The following NLE1 variants were observed in gnomAD, a reference collection of about 807,000 sequenced individuals.
The protein encoded by NLE1 is notchless homolog 1.
A neutral mutation model predicts 62.8 loss-of-function variants in NLE1; 37 were observed. The ratio of observed to expected loss-of-function variants is 0.59; its 90% CI spans 0.45 to 0.78. The LOEUF (loss-of-function observed/expected upper bound fraction) is 0.78, where lower values mean the gene tolerates loss of function less well. Ranked by LOEUF, NLE1 falls within the 30% of genes least tolerant of loss-of-function variation. NLE1 has a pLI of 0.00. For missense variants in NLE1, 555 were observed against 637.9 expected (o/e 0.87, Z 1.40); for synonymous variants, 243 against 253.0 (o/e 0.96, Z 0.37).
Position 35,130,676 on chromosome 17 carries a change from C to T in NLE1, c.*1761G>A. The T allele has an allele frequency of 1.9e-6, 1 of 520,334 alleles. No homozygotes were observed. The highest frequency in any genetic ancestry group is 2.5e-5 in the South Asian group (1 of 40,316). 32.2% of individuals were successfully genotyped at this position (520,334 alleles called of 1,614,324 possible). ...GCCCACAGCTGCTAGACTCCCTCCT[C>T]CTCCAAATCTGGGCTGGGTCTAGGT... On this transcript the variant is annotated 3_prime_UTR_variant, in exon 13 of 13. Transcript: ENST00000442241.
At chr17:35,133,040 C>T (rs1597887893) in intron 12 of NLE1, 131 bp downstream of exon 12, 2 of 879,012 alleles carry the variant, frequency 2.3e-6, no homozygotes, top group Non-Finnish European at 3.7e-6. Context: ...TCTGGCTCCA[C>T]ACGCCTCCTC....
chr17:35,137,536 C>T lies in NLE1; in HGVS notation c.635+7G>A, dbSNP rs1567746282. 6.2e-7 allele frequency: 1 copy of T among 1,605,014 alleles called. No homozygotes were observed. On this transcript the variant is annotated splice_region_variant and intron_variant, in intron 6 of 12. Coordinates refer to ENST00000442241, the MANE Select transcript of NLE1 (RefSeq NM_018096.5). ...TCATTTGTCCCAGCTCCGTCAGTGT[C>T]ACTTACGCATGGAGGGGCTCCCAGC... is the stretch of plus-strand genomic sequence containing the variant.
Position 35,130,286 on chromosome 17 carries a change from CAA to C in NLE1, c.*2149_*2150del. The C allele has an allele frequency of 6.2e-7, 1 of 1,613,408 alleles. No individual in the cohort carries two copies. On this transcript the variant is annotated 3_prime_UTR_variant, in exon 13 of 13. Transcript: ENST00000442241. ...GGTTTTCTTGTTTCACTTCAGTTTG[CAA>C]CCCTGGCCACTGACTTCAGCAGCTT...
chr17:35,135,529 T>C, intron 9 of NLE1, 78 bp from the exon 10 acceptor site: 5 of 1,270,886 alleles, frequency 3.9e-6, no homozygotes, highest in Non-Finnish European at 5.6e-6. Flanking sequence ...GCAGCAAGCA[T>C]ACACCCTGAT....
chr17:35,130,191 C>T lies in NLE1; in HGVS notation c.*2246G>A, dbSNP rs936583255. On this transcript the variant is annotated 3_prime_UTR_variant, in exon 13 of 13. Transcript: ENST00000442241. ...TAAGGCTGTTTAAGGTCTGAGTCAG[C>T]AGACAGAAAAAAAAGGGGTGATAGA... is the stretch of plus-strand genomic sequence containing the variant. 4.6e-6 allele frequency: 7 copies of T among 1,525,444 alleles called. No individual in the cohort carries two copies. In the Admixed American group the frequency reaches 1.5e-4, roughly 32 times the overall value. 94.5% of individuals were successfully genotyped at this position (1,525,444 alleles called of 1,614,324 possible). A position where few individuals can be genotyped will look rare whatever the true frequency, so the allele number is the denominator to read the frequency against.
intron 2 of NLE1, 94 bp downstream of exon 2, chr17:35,141,884 CG>C: frequency 7.3e-7 from 1 of 1,377,214 alleles, no homozygotes. Flanking sequence ...AGTCCGTTAG[CG>C]GGGGACCATG....
intron 4 of NLE1, 86 bp downstream of exon 4, chr17:35,139,149 C>CCACT: frequency 8.6e-7 from 1 of 1,165,094 alleles, no homozygotes; most frequent in Non-Finnish European, 1.3e-6. Flanking sequence ...GCTGTGACTG[C>CCACT]ACCACTGTAC....
chr17:35,142,234 C>A (rs1428263835), intron 1 of NLE1, 24 bp downstream of exon 1: 1 of 1,552,690 alleles, frequency 6.4e-7, no homozygotes, highest in Non-Finnish European at 8.7e-7. Context: ...GCGACGCCCC[C>A]CGCCCCCATC....
At chr17:35,136,601 G>T in intron 7 of NLE1, 104 bp from the exon 8 acceptor site, 1 of 1,385,062 alleles carries the variant, frequency 7.2e-7, no homozygotes, top group Non-Finnish European at 9.8e-7. Flanking sequence ...CATCACTCAT[G>T]CATTGTGATC....
At chr17:35,136,910 C>G in intron 7 of NLE1, 91 bp downstream of exon 7, 1 of 1,227,814 alleles carries the variant, frequency 8.1e-7, no homozygotes, top group Non-Finnish European at 1.2e-6. Flanking sequence ...CTGGGAAACA[C>G]TGGACTCGCT....
chr17:35,141,531 C>T lies in NLE1; in HGVS notation c.162+448G>A, dbSNP rs1389852413. Among the ~76,000 whole-genome samples the T allele has an allele frequency of 5.6e-5, 7 of 126,062 alleles. No individual in the cohort carries two copies. The East Asian group carries it at 1.3e-3, about 24-fold the overall frequency. The allele number at this position is 126,062 out of a possible 152,430, so 82.7% of individuals were successfully genotyped here. ...ACTACACTCCAGCTTGCCAGCCTGG[C>T]GACAAAGTGAGACTCCGTCTCAAAA... On this transcript the variant is annotated intron_variant, in intron 2 of 12. Coordinates refer to ENST00000442241, the MANE Select transcript of NLE1 (RefSeq NM_018096.5).
chr17:35,137,729 C>T (rs2091917934), intron 5 of NLE1, 85 bp downstream of exon 5: 13 of 1,305,828 alleles, frequency 1.0e-5, no homozygotes, highest in Non-Finnish European at 1.4e-5. Context: ...CCCAACCCTC[C>T]CCAAAGACTC....
chr17:35,130,501 C>T lies in NLE1; in HGVS notation c.*1936G>A. 6.6e-7 allele frequency: 1 copy of T among 1,517,420 alleles called. No individual in the cohort carries two copies. The highest frequency in any genetic ancestry group is 9.0e-7 in the Non-Finnish European group (1 of 1,112,478). The allele number at this position is 1,517,420 out of a possible 1,614,324, so 94.0% of individuals were successfully genotyped here. A position where few individuals can be genotyped will look rare whatever the true frequency, so the allele number is the denominator to read the frequency against. The stretch of plus-strand genomic sequence containing the variant: ...AACCCCAGGCCCTCAGAAACCAGAG[C>T]CATGAGACCTACCATACCACCAGCA... On this transcript the variant is annotated 3_prime_UTR_variant, in exon 13 of 13. Transcript: ENST00000442241.
chr17:35,133,298 C>A (rs770575745), intron 11 of NLE1, 41 bp downstream of exon 11: 13 of 1,614,048 alleles, frequency 8.1e-6, no homozygotes, highest in Non-Finnish European at 1.1e-5. Flanking sequence ...GCCAGCCAGG[C>A]TCCAATCCCA....
intron 9 of NLE1, among the ~76,000 whole-genome samples, chr17:35,135,764 C>T (rs1443491720): frequency 1.3e-5 from 2 of 152,152 alleles, no homozygotes; most frequent in Non-Finnish European, 2.9e-5. Context: ...TGTGCTTATA[C>T]ATATATACTG....
chr17:35,129,235 T>G lies in NLE1; in HGVS notation c.*3202A>C. ...AAGTGGGTGGGGCTGCCCAGGAGAG[T>G]AGTACATGCTTCGGGGCAGGGGTTC... On this transcript the variant is annotated 3_prime_UTR_variant, in exon 13 of 13. Coordinates refer to ENST00000442241, the MANE Select transcript of NLE1 (RefSeq NM_018096.5). The G allele has an allele frequency of 1.4e-6, 1 of 705,726 alleles. No homozygotes were observed. The highest frequency in any genetic ancestry group is 1.8e-5 in the South Asian group (1 of 55,754). The allele number at this position is 705,726 out of a possible 1,614,324, so 43.7% of individuals were successfully genotyped here.
chr17:35,135,205 C>T (rs759729377), intron 10 of NLE1, 44 bp downstream of exon 10: 8 of 1,589,926 alleles, frequency 5.0e-6, no homozygotes, highest in Non-Finnish European at 6.0e-6. Flanking sequence ...AAGCCCCTCC[C>T]ACCATTCACT....
intron 9 of NLE1, 34 bp from the exon 10 acceptor site, chr17:35,135,485 T>C: frequency 1.2e-6 from 2 of 1,605,558 alleles, no homozygotes; most frequent in Non-Finnish European, 1.7e-6. Context: ...GTGTTGGGTG[T>C]GGTCTCAGAA....
chr17:35,135,336 T>A lies in NLE1; in HGVS notation c.1127A>T (p.Asn376Ile), dbSNP rs757898626. 2.7e-5 allele frequency: 44 copies of A among 1,614,078 alleles called. No homozygotes were observed. The Admixed American group carries it at 4.3e-4, about 16-fold the overall frequency. Residue 376 changes from asparagine (N) to isoleucine (I), a missense_variant, in exon 10 of 13, where the codon AAC becomes ATC. Physicochemically the swap from Asn to Ile is moderately radical, Grantham distance 149 (BLOSUM62 -3). Transcript: ENST00000442241. The part of the protein sequence containing the change: ...TRMTGHQALI[N>I]QVLFSPDSRI... ...GGAGTCAGGAGAGAAGAGCACCTGGTTGATGAGAGCTTGGTGTCCTGTCAT... is the reference window on the plus strand; with the variant it reads ...GGAGTCAGGAGAGAAGAGCACCTGGATGATGAGAGCTTGGTGTCCTGTCAT...
Sources: allele counts gnomAD v4.1 joint callset (sites outside exome capture counted in the v4.1 genomes callset), GRCh38; gene constraint gnomAD v4.1.1; transcripts MANE v1.5; gene names NCBI Gene and HGNC (gene_info 2026-07-23, HGNC 2026-07-21).